The following ERG variants were observed in gnomAD, a reference collection of about 807,000 sequenced individuals.
ERG encodes the protein transcriptional regulator ERG.
ERG carries 9 observed loss-of-function variants against 55.3 expected under a neutral mutation model. The ratio of observed to expected loss-of-function variants is 0.16; its 90% CI spans 0.10 to 0.28. The LOEUF is 0.28. Ranked by LOEUF, ERG falls within the 10% of genes least tolerant of loss-of-function variation. The pLI is 1.00. For missense variants in ERG, 434 were observed against 631.6 expected (o/e 0.69, Z 3.35); for synonymous variants, 223 against 237.3 (o/e 0.94, Z 0.55).
intron 6 of ERG, chr21:38,400,337 T>C (rs1262723967): frequency 3.2e-6 from 2 of 626,512 alleles, no homozygotes; most frequent in Admixed American, 2.1e-5. Flanking sequence ...TGCCCATCTG[T>C]CTTTCTGAAA....
rs552591327 is a variant in ERG at position 38,606,943 on chromosome 21, A to T, written c.-149-21998T>A. On this transcript the variant is annotated intron_variant, in intron 1 of 10. Transcript: ENST00000398910. Reference sequence around the variant, plus strand: ...GAAATGAGACTTCAGATTTTTTTTTAAAAAAGGAGTCCTGAGCAAAATAAA... The same window carrying T: ...GAAATGAGACTTCAGATTTTTTTTTTAAAAAGGAGTCCTGAGCAAAATAAA... Among the ~76,000 whole-genome samples the T allele has an allele frequency of 9.2e-5, 14 of 151,880 alleles. No homozygotes were observed. The East Asian group carries it at 1.9e-3, about 21-fold the overall frequency.
intron 3 of ERG, 92 bp from the exon 4 acceptor site, chr21:38,403,801 C>A: frequency 8.1e-7 from 1 of 1,234,962 alleles, no homozygotes; most frequent in South Asian, 1.3e-5. Context: ...TTCTGACCAG[C>A]TGCCTTCCAC....
At chr21:38,480,320 C>T (rs1282686975) in intron 1 of ERG, among the ~76,000 whole-genome samples, 1 of 152,172 alleles carries the variant, frequency 6.6e-6, no homozygotes, top group Non-Finnish European at 1.5e-5. Context: ...GAGAGGACTA[C>T]TGTCCAAGCC....
intron 9 of ERG, among the ~76,000 whole-genome samples, chr21:38,388,138 A>G (rs917125391): frequency 6.6e-6 from 1 of 152,252 alleles, no homozygotes; most frequent in Non-Finnish European, 1.5e-5. Context: ...ATGTATTTTC[A>G]TGTGCACCAT....
chr21:38,534,928 C>T (rs11701247), intron 2 of ERG, among the ~76,000 whole-genome samples: 2 of 151,936 alleles, frequency 1.3e-5, no homozygotes, highest in Non-Finnish European at 2.9e-5. Context: ...ATAGATGAAT[C>T]TTTTTTTAAA....
In ERG at chr21:38,382,156, CTT is replaced by C; in HGVS notation, c.*1245_*1246del. The C allele has an allele frequency of 1.9e-6, 2 of 1,052,738 alleles. No homozygotes were observed. Among genetic ancestry groups the C allele is most frequent in the Non-Finnish European group, 2.3e-6 (2 of 871,120 alleles). The allele number at this position is 1,052,738 out of a possible 1,614,324, so 65.2% of individuals were successfully genotyped here. A position where few individuals can be genotyped will look rare whatever the true frequency, so the allele number is the denominator to read the frequency against. On this transcript the variant is annotated 3_prime_UTR_variant, in exon 10 of 10. Transcript: ENST00000288319. The stretch of plus-strand genomic sequence containing the variant: ...CAAGGCCACATTATATCGATTGTCT[CTT>C]TTGTCGTGTGTCTTTGGCTGGCCGA...
chr21:38,591,768 C>T (rs1196700813), intron 1 of ERG, among the ~76,000 whole-genome samples: 2 of 152,160 alleles, frequency 1.3e-5, no homozygotes, highest in East Asian at 3.9e-4. Context: ...GCTTCACCCA[C>T]CCAACATTTG....
upstream of ERG, among the ~76,000 whole-genome samples, chr21:38,499,621 G>A (rs76578877): frequency 1.3e-5 from 2 of 152,008 alleles, no homozygotes; most frequent in African/African-American, 4.8e-5. Flanking sequence ...GCCGGCATGT[G>A]TCAGAGTTCT....
intron 1 of ERG, among the ~76,000 whole-genome samples, chr21:38,629,903 C>A (rs1170466179): frequency 6.6e-6 from 1 of 152,136 alleles, no homozygotes; most frequent in Non-Finnish European, 1.5e-5. Flanking sequence ...TATACATACA[C>A]GGGCATATTA....
At chr21:38,468,435 T>C (rs532277278) in intron 1 of ERG, among the ~76,000 whole-genome samples, 1 of 152,332 alleles carries the variant, frequency 6.6e-6, no homozygotes, top group East Asian at 1.9e-4. Context: ...GAGCAAAGCT[T>C]TTCAAATTTC....
intron 1 of ERG, among the ~76,000 whole-genome samples, chr21:38,621,521 C>T (rs767359602): frequency 3.9e-5 from 6 of 152,170 alleles, no homozygotes; most frequent in Non-Finnish European, 7.3e-5. Flanking sequence ...GAATAAAAGA[C>T]ACAGGGACCT....
chr21:38,465,500 C>A (rs1569120473), intron 1 of ERG, among the ~76,000 whole-genome samples: 1 of 152,194 alleles, frequency 6.6e-6, no homozygotes, highest in East Asian at 1.9e-4. Flanking sequence ...TACATTTGTC[C>A]AAACCCACAG....
intron 2 of ERG, among the ~76,000 whole-genome samples, chr21:38,509,978 T>C (rs1279988178): frequency 2.6e-5 from 4 of 152,186 alleles, no homozygotes; most frequent in African/African-American, 9.7e-5. Context: ...GAGAGCCATC[T>C]GGAAGGCTGC....
chr21:38,535,196 G>T (rs1044169761), intron 2 of ERG, among the ~76,000 whole-genome samples: 3 of 152,038 alleles, frequency 2.0e-5, no homozygotes, highest in African/African-American at 4.8e-5. Context: ...GACAAACAGT[G>T]TATGATTCTA....
intron 1 of ERG, among the ~76,000 whole-genome samples, chr21:38,611,916 T>A (rs1235363894): frequency 6.9e-6 from 1 of 145,944 alleles, no homozygotes; most frequent in East Asian, 1.9e-4. Context: ...ATAAACTTAG[T>A]GCTGGGCAGG....
chr21:38,385,334 T>C (rs1054707275), intron 9 of ERG, among the ~76,000 whole-genome samples: 1 of 152,222 alleles, frequency 6.6e-6, no homozygotes, highest in African/African-American at 2.4e-5. Flanking sequence ...CTTAGACTTA[T>C]TACCAAAAGA....
At chr21:38,441,125 C>G (rs937175093) in intron 2 of ERG, among the ~76,000 whole-genome samples, 4 of 152,124 alleles carry the variant, frequency 2.6e-5, no homozygotes, top group African/African-American at 9.7e-5. Context: ...GTGAACTGGC[C>G]CCCCAGAGCA....
chr21:38,482,083 T>C (rs376539613), intron 1 of ERG, among the ~76,000 whole-genome samples: 2 of 152,234 alleles, frequency 1.3e-5, no homozygotes, highest in East Asian at 3.8e-4. Flanking sequence ...ACTGTATTCC[T>C]GCTTTTAATT....
At chr21:38,564,874 C>T (rs767540901) in intron 2 of ERG, among the ~76,000 whole-genome samples, 7 of 152,180 alleles carry the variant, frequency 4.6e-5, no homozygotes, top group Non-Finnish European at 1.0e-4. Flanking sequence ...CCTAGTCACC[C>T]AGCCTCAGAT....
Sources: gnomAD v4.1 joint callset for allele counts (sites outside exome capture counted in the v4.1 genomes callset) on GRCh38, gnomAD v4.1.1 for gene constraint, MANE v1.5 for transcripts, NCBI Gene and HGNC (gene_info 2026-07-23, HGNC 2026-07-21) for gene names.